GRID2: variants seen among roughly 807,000 people sequenced by gnomAD.
GRID2 encodes glutamate ionotropic receptor delta type subunit 2.
A neutral mutation model predicts 114.8 loss-of-function variants in GRID2; 33 were observed. That is an observed-to-expected ratio of 0.29 (90% CI 0.22 to 0.38). The LOEUF (loss-of-function observed/expected upper bound fraction) is 0.38, where lower values mean the gene tolerates loss of function less well. Among genes scored for constraint, GRID2 ranks in the 10% least tolerant of loss-of-function variants. The pLI is 1.00. For synonymous variants in GRID2, 505 were observed against 449.9 expected (o/e 1.12, Z -1.55); for missense variants, 1,184 against 1,257.7 (o/e 0.94, Z 0.89).
At chr4:93,789,327 A>C (rs1328548038) in intron 1 of GRID2, among the ~76,000 whole-genome samples, 1 of 152,236 alleles carries the variant, frequency 6.6e-6, no homozygotes, top group Non-Finnish European at 1.5e-5. Context: ...TCTTGTCTAA[A>C]AATACTTAGA....
intron 2 of GRID2, among the ~76,000 whole-genome samples, chr4:92,884,494 CCT>C (rs1348374525): frequency 4.0e-4 from 61 of 152,244 alleles, no homozygotes; most frequent in African/African-American, 1.4e-3. Context: ...TAGCTTTTGC[CCT>C]GTCTTGGCAT....
chr4:92,699,365 T>C (rs760859981), intron 2 of GRID2, among the ~76,000 whole-genome samples: 2 of 152,178 alleles, frequency 1.3e-5, no homozygotes, highest in Non-Finnish European at 2.9e-5. Flanking sequence ...AAGCTCAATT[T>C]TGAGGACAGA....
At chr4:92,607,449 A>G (rs1729513124) in intron 2 of GRID2, among the ~76,000 whole-genome samples, 1 of 151,868 alleles carries the variant, frequency 6.6e-6, no homozygotes, top group Admixed American at 6.6e-5. Flanking sequence ...TGTGTAAACT[A>G]GACTCATTAT....
chr4:93,802,490 G>T (rs1734952602), intron 1 of GRID2, among the ~76,000 whole-genome samples: 1 of 152,018 alleles, frequency 6.6e-6, no homozygotes, highest in Non-Finnish European at 1.5e-5. Context: ...TACCTCACAA[G>T]AATTAAAAAA....
intron 1 of GRID2, among the ~76,000 whole-genome samples, chr4:92,549,747 T>A (rs1298275423): frequency 1.3e-5 from 2 of 152,142 alleles, no homozygotes; most frequent in African/African-American, 2.4e-5. Flanking sequence ...ATGTAGTAGC[T>A]TAAAAAAGAT....
chr4:92,979,932 C>A (rs556777059), intron 2 of GRID2, among the ~76,000 whole-genome samples: 35 of 152,278 alleles, frequency 2.3e-4, no homozygotes, highest in African/African-American at 8.4e-4. Flanking sequence ...TGTTAGCAGA[C>A]AACATCTCAT....
chr4:92,313,546 G>T, intron 1 of GRID2, among the ~76,000 whole-genome samples: 1 of 152,026 alleles, frequency 6.6e-6, no homozygotes, highest in East Asian at 1.9e-4. Flanking sequence ...CGTGCAGAGA[G>T]AGAAGAGTTC....
At chr4:93,064,117 T>C (rs993131706) in intron 2 of GRID2, among the ~76,000 whole-genome samples, 6 of 119,736 alleles carry the variant, frequency 5.0e-5, no homozygotes, top group African/African-American at 1.6e-4. Flanking sequence ...ATAACATTAA[T>C]TTATTAAAAT....
At chr4:92,711,844 A>C (rs1290663084) in intron 2 of GRID2, among the ~76,000 whole-genome samples, 3 of 152,200 alleles carry the variant, frequency 2.0e-5, no homozygotes, top group South Asian at 2.1e-4. Flanking sequence ...TTGAGGCTGC[A>C]GTGAGCTATG....
At chr4:93,270,030 A>G (rs1432087092) in intron 8 of GRID2, among the ~76,000 whole-genome samples, 1 of 152,166 alleles carries the variant, frequency 6.6e-6, no homozygotes, top group Non-Finnish European at 1.5e-5. Flanking sequence ...CCAGTAAGTA[A>G]AGGGAACCAT....
intron 2 of GRID2, among the ~76,000 whole-genome samples, chr4:92,989,771 A>G (rs1239596289): frequency 2.0e-5 from 3 of 152,214 alleles, no homozygotes; most frequent in South Asian, 2.1e-4. Flanking sequence ...CACACAATTC[A>G]TCATAATTTA....
intron 4 of GRID2, among the ~76,000 whole-genome samples, chr4:93,196,470 A>G (rs1459940433): frequency 6.6e-6 from 1 of 152,198 alleles, no homozygotes; most frequent in African/African-American, 2.4e-5. Flanking sequence ...TAGTAGAATC[A>G]TCAACATTTT....
intron 2 of GRID2, among the ~76,000 whole-genome samples, chr4:92,619,036 G>A (rs531253557): frequency 6.6e-6 from 1 of 151,540 alleles, no homozygotes; most frequent in South Asian, 2.1e-4. Flanking sequence ...TCTCTGTTTA[G>A]TTTTTGTTTG....
chr4:92,610,529 TTTC>T (rs1729667505), intron 2 of GRID2, among the ~76,000 whole-genome samples: 1 of 151,658 alleles, frequency 6.6e-6, no homozygotes, highest in Admixed American at 6.6e-5. Context: ...TTTTTACCAT[TTTC>T]TTCTTTTCCT....
intron 2 of GRID2, among the ~76,000 whole-genome samples, chr4:92,657,863 C>G (rs938606352): frequency 1.3e-5 from 2 of 151,646 alleles, no homozygotes; most frequent in African/African-American, 4.8e-5. Flanking sequence ...ATCTGTATCT[C>G]AATATCTGTG....
At chr4:93,737,994 C>T (rs1173477849) in intron 14 of GRID2, among the ~76,000 whole-genome samples, 2 of 152,066 alleles carry the variant, frequency 1.3e-5, no homozygotes, top group African/African-American at 4.8e-5. Flanking sequence ...TCAGGTGTGG[C>T]CATATGACTT....
At chr4:92,779,730 C>T (rs1175582140) in intron 2 of GRID2, among the ~76,000 whole-genome samples, 1 of 152,046 alleles carries the variant, frequency 6.6e-6, no homozygotes, top group Non-Finnish European at 1.5e-5. Context: ...CCAATAAGCG[C>T]CACTAATAAC....
At chr4:93,273,580 A>G (rs779730508) in intron 8 of GRID2, among the ~76,000 whole-genome samples, 2 of 152,058 alleles carry the variant, frequency 1.3e-5, no homozygotes, top group Non-Finnish European at 2.9e-5. Flanking sequence ...GGCTATAATT[A>G]TCTGGCTTTA....
intron 4 of GRID2, among the ~76,000 whole-genome samples, chr4:93,135,717 T>C (rs1286526626): frequency 6.6e-6 from 1 of 152,188 alleles, no homozygotes; most frequent in Non-Finnish European, 1.5e-5. Flanking sequence ...CCTAGTCCTA[T>C]TTTTGTACAG....
Sources: allele counts gnomAD v4.1 joint callset (sites outside exome capture counted in the v4.1 genomes callset), GRCh38; gene constraint gnomAD v4.1.1; transcripts MANE v1.5; gene names NCBI Gene and HGNC (gene_info 2026-07-23, HGNC 2026-07-21).